Variants in RBM28 observed in about 807,000 individuals in gnomAD.
The protein encoded by RBM28 is RNA-binding protein 28.
A neutral mutation model predicts 98.3 loss-of-function variants in RBM28; 78 were observed. The ratio of observed to expected loss-of-function variants is 0.79; its 90% confidence interval spans 0.66 to 0.96. The LOEUF (loss-of-function observed/expected upper bound fraction) is 0.96. Ranked by LOEUF, RBM28 falls within the 40% of genes least tolerant of loss-of-function variation. The pLI, the probability that RBM28 is intolerant of heterozygous loss-of-function variation, is 0.00. For synonymous variants in RBM28, 306 were observed against 330.9 expected, an observed-to-expected ratio of 0.92 and a Z score of 0.82; for missense variants, 838 against 913.0, an observed-to-expected ratio of 0.92 and a Z score of 1.06.
In RBM28 at chr7:128,324,660, T is replaced by C. The variant is rs1008920046; in HGVS notation, c.1238A>G (p.Lys413Arg). 5.6e-6 allele frequency: 9 copies of C among 1,614,092 alleles called. No individual in the cohort carries two copies. Among genetic ancestry groups the C allele is most frequent in the African/African-American group, 1.3e-5 (1 of 74,940 alleles). ...GGLKLDGRQL[K>R]VDLAVTRDEA... ...ATCACGGGTCACCGCCAAGTCAACCTTGAGCTGCCGGCCATCCAGTTTAAG... is the reference window on the plus strand; with the variant it reads ...ATCACGGGTCACCGCCAAGTCAACCCTGAGCTGCCGGCCATCCAGTTTAAG... The change falls in exon 12 of 19, where the codon AAG becomes AGG. Residue 413 changes from lysine to arginine, a missense_variant. Physicochemically the swap from Lys to Arg is conservative, Grantham distance 26 (BLOSUM62 2). Transcript: ENST00000223073.
intron 1 of RBM28, among the ~76,000 whole-genome samples, chr7:128,343,426 T>C (rs1796771707): frequency 6.6e-6 from 1 of 152,240 alleles, no homozygotes; most frequent in Non-Finnish European, 1.5e-5. Context: ...TTACTGATGC[T>C]CTAGTTAACT....
chr7:128,317,872 T>G, intron 15 of RBM28, 85 bp downstream of exon 15: 1 of 1,578,334 alleles, frequency 6.3e-7, no homozygotes, highest in Non-Finnish European at 8.7e-7. Context: ...CCCTCAAATG[T>G]CAGAGGACAC....
Position 128,308,954 on chromosome 7 carries a change from G to A in RBM28, c.*1843C>T, listed in dbSNP as rs191085418. The A allele has an allele frequency of 4.0e-4, 49 of 121,656 alleles. No individual in the cohort carries two copies. The highest frequency in any genetic ancestry group is 1.4e-3 in the African/African-American group (44 of 30,976). 7.5% of individuals were successfully genotyped at this position (121,656 alleles called of 1,614,324 possible). A position where few individuals can be genotyped will look rare whatever the true frequency, so the allele number is the denominator to read the frequency against. ...ATCATGCCATTGCACTCCAGCCTGG[G>A]CAACAGAGCAAGACTGTCTCAAAAA... is the stretch of plus-strand genomic sequence containing the variant. On this transcript the variant is annotated 3_prime_UTR_variant, in exon 19 of 19. Coordinates refer to ENST00000223073, the MANE Select transcript of RBM28 (RefSeq NM_018077.3).
In RBM28 at chr7:128,339,278, G is replaced by T. The variant is rs1486322584; in HGVS notation, c.321C>A (p.Ala107=). 6.2e-7 allele frequency: 1 copy of T among 1,613,644 alleles called. No individual in the cohort carries two copies. Among genetic ancestry groups the T allele is most frequent in the South Asian group, 1.1e-5 (1 of 91,064 alleles). Residue 107 remains alanine (A), a synonymous_variant, in exon 3 of 19, where the codon GCC becomes GCA. Transcript: ENST00000223073. The stretch of plus-strand genomic sequence containing the variant: ...ATCTGGCTTTCTTATCTGCCACTTT[G>T]GCTTTTTTAGCCTTCGGCTCCTTCT... ...CPKKEPKAKK[A]KVADKKARLI...
intron 2 of RBM28, 83 bp downstream of exon 2, chr7:128,339,550 T>C (rs2116392493): frequency 6.7e-7 from 1 of 1,500,038 alleles, no homozygotes; most frequent in Admixed American, 1.7e-5. Flanking sequence ...TTCTAGAAGC[T>C]ACCTCCATGC....
At chr7:128,320,930 C>T (rs573309030) in intron 14 of RBM28, among the ~76,000 whole-genome samples, 3 of 152,310 alleles carry the variant, frequency 2.0e-5, no homozygotes, top group Non-Finnish European at 4.4e-5. Context: ...CTTTGGGAGG[C>T]CGAGGTGGGC....
intron 16 of RBM28, among the ~76,000 whole-genome samples, 197 bp from the exon 17 acceptor site, chr7:128,315,217 AC>A (rs1185543784): frequency 1.3e-5 from 2 of 152,340 alleles, no homozygotes; most frequent in East Asian, 3.9e-4. Flanking sequence ...GGTGGGGGGC[AC>A]AAAATAACCA....
chr7:128,319,126 C>T (rs1796168131), intron 14 of RBM28, among the ~76,000 whole-genome samples: 1 of 152,124 alleles, frequency 6.6e-6, no homozygotes, highest in South Asian at 2.1e-4. Flanking sequence ...CTGTCGTTCT[C>T]ATGTAATGGA....
intron 6 of RBM28, among the ~76,000 whole-genome samples, chr7:128,336,260 C>A (rs925975225): frequency 1.3e-5 from 2 of 152,080 alleles, no homozygotes. Context: ...AGAGTTTGTC[C>A]CATTCATCAG....
chr7:128,298,294 C>T lies in RBM28; in HGVS notation c.*12503G>A, dbSNP rs1482799639. On this transcript the variant is annotated 3_prime_UTR_variant, in exon 19 of 19. Transcript: ENST00000223073. Reference sequence around the variant, plus strand: ...TACTCCCTGTTTTACACCCCCTCCCCTTTTGAAACCCTTAATAAAAAACTT... The same window carrying T: ...TACTCCCTGTTTTACACCCCCTCCCTTTTTGAAACCCTTAATAAAAAACTT... The T allele has an allele frequency of 6.6e-6, 1 of 152,080 alleles. No individual in the cohort carries two copies. Among genetic ancestry groups the T allele is most frequent in the African/African-American group, 2.4e-5 (1 of 41,414 alleles). The allele number at this position is 152,080 out of a possible 1,614,324, so 9.4% of individuals were successfully genotyped here. A position where few individuals can be genotyped will look rare whatever the true frequency, so the allele number is the denominator to read the frequency against.
chr7:128,321,975 G>GAGC (rs1393445610), intron 13 of RBM28, among the ~76,000 whole-genome samples: 1 of 151,606 alleles, frequency 6.6e-6, no homozygotes, highest in African/African-American at 2.4e-5. Flanking sequence ...TTGAACCTGG[G>GAGC]AGCCGGAGGT....
At chr7:128,322,616 T>C (rs563592734) in intron 13 of RBM28, among the ~76,000 whole-genome samples, 6 of 152,216 alleles carry the variant, frequency 3.9e-5, no homozygotes, top group Non-Finnish European at 5.9e-5. Flanking sequence ...ATACCTATCA[T>C]TGAATGAGCT....
In RBM28 at chr7:128,310,472, T is replaced by C. The variant is rs918471165; in HGVS notation, c.*325A>G. 1 of 359,786 alleles carries C rather than the reference T, an allele frequency of 2.8e-6. No individual in the cohort carries two copies. The highest frequency in any genetic ancestry group is 4.3e-5 in the Admixed American group (1 of 23,384). 22.3% of individuals were successfully genotyped at this position (359,786 alleles called of 1,614,324 possible). ...AATATACATCTTAAAAATTCAGCACTCCAGAATGCTTTTTCAGGTGTTTCC... is the reference window on the plus strand; with the variant it reads ...AATATACATCTTAAAAATTCAGCACCCCAGAATGCTTTTTCAGGTGTTTCC... On this transcript the variant is annotated 3_prime_UTR_variant, in exon 19 of 19. Coordinates refer to ENST00000223073, the MANE Select transcript of RBM28 (RefSeq NM_018077.3).
chr7:128,313,339 T>A (rs751354036), intron 17 of RBM28, 65 bp from the exon 18 acceptor site: 2 of 1,457,420 alleles, frequency 1.4e-6, no homozygotes, highest in African/African-American at 2.8e-5. Flanking sequence ...TAGGTTCTCT[T>A]TGTACACTGG....
intron 5 of RBM28, among the ~76,000 whole-genome samples, chr7:128,337,470 T>C (rs1411694006): frequency 6.6e-6 from 1 of 151,432 alleles, no homozygotes; most frequent in African/African-American, 2.4e-5. Context: ...ATTAGAACTA[T>C]GTTTCCAGTT....
In RBM28 at chr7:128,302,475, A is replaced by G. The variant is rs1378281923; in HGVS notation, c.*8322T>C. The G allele has an allele frequency of 6.6e-6, 1 of 152,232 alleles. No individual in the cohort carries two copies. Among genetic ancestry groups the G allele is most frequent in the African/African-American group, 2.4e-5 (1 of 41,462 alleles). 9.4% of individuals were successfully genotyped at this position (152,232 alleles called of 1,614,324 possible). Reference sequence around the variant, plus strand: ...TAGCCATTATCTGACCTCCAGGGGAATGAAGATGTCTGCAGAATTCGGGGA... The same window carrying G: ...TAGCCATTATCTGACCTCCAGGGGAGTGAAGATGTCTGCAGAATTCGGGGA... On this transcript the variant is annotated 3_prime_UTR_variant, in exon 19 of 19. Coordinates refer to ENST00000223073, the MANE Select transcript of RBM28 (RefSeq NM_018077.3).
At chr7:128,336,232 C>G (rs1246520202) in intron 6 of RBM28, among the ~76,000 whole-genome samples, 190 bp from the exon 7 acceptor site, 1 of 152,184 alleles carries the variant, frequency 6.6e-6, no homozygotes, top group Non-Finnish European at 1.5e-5. Context: ...ACAAAACTCT[C>G]AACACCCAGA....
chr7:128,323,714 C>A (rs1208627797), intron 12 of RBM28, 123 bp from the exon 13 acceptor site: 5 of 1,101,192 alleles, frequency 4.5e-6, no homozygotes, highest in Non-Finnish European at 5.4e-6. Flanking sequence ...TTGGCCAGGA[C>A]ACGGTGGCAT....
chr7:128,313,043 T>G lies in RBM28; in HGVS notation c.2145+132A>C, dbSNP rs115382572. ...ACTTTTAAGATTGTATAGCTCAACATTCTCTAAAAAGCTACCGTCCTACAC... is the reference window on the plus strand; with the variant it reads ...ACTTTTAAGATTGTATAGCTCAACAGTCTCTAAAAAGCTACCGTCCTACAC... On this transcript the variant is annotated intron_variant, in intron 18 of 18. Coordinates refer to ENST00000223073, the MANE Select transcript of RBM28 (RefSeq NM_018077.3). 3.8e-3 allele frequency: 3,388 copies of G among 893,894 alleles called. 80 individuals are homozygous for G. In the African/African-American group the frequency reaches 0.05, roughly 13 times the overall value. The allele number at this position is 893,894 out of a possible 1,614,324, so 55.4% of individuals were successfully genotyped here. A position where few individuals can be genotyped will look rare whatever the true frequency, so the allele number is the denominator to read the frequency against.
Sources: allele counts gnomAD v4.1 joint callset (sites outside exome capture counted in the v4.1 genomes callset), GRCh38; gene constraint gnomAD v4.1.1; transcripts MANE v1.5; gene names NCBI Gene and HGNC (gene_info 2026-07-23, HGNC 2026-07-21).